Variants in PTPRK observed in about 807,000 individuals in gnomAD.
PTPRK encodes the protein protein tyrosine phosphatase receptor type K, also known as receptor-type tyrosine-protein phosphatase kappa.
In PTPRK, 75 loss-of-function variants were observed where a neutral mutation model predicts 178.0. That is an observed-to-expected ratio of 0.42 (90% CI 0.35 to 0.51). The LOEUF is 0.51. Among genes scored for constraint, PTPRK ranks in the 20% least tolerant of loss-of-function variants. The pLI, the probability that PTPRK is intolerant of heterozygous loss-of-function variation, is 0.02. For synonymous variants in PTPRK, 637 were observed against 620.6 expected (o/e 1.03, Z -0.39); for missense variants, 1,441 against 1,797.8 (o/e 0.80, Z 3.59).
chr6:128,263,314 T>G (rs922831029), intron 3 of PTPRK, among the ~76,000 whole-genome samples: 1 of 152,164 alleles, frequency 6.6e-6, no homozygotes, highest in African/African-American at 2.4e-5. Flanking sequence ...CCTGTAGCAG[T>G]AGAACCAGAA....
intron 7 of PTPRK, among the ~76,000 whole-genome samples, chr6:128,121,625 A>G (rs560824724): frequency 2.6e-5 from 4 of 152,074 alleles, no homozygotes; most frequent in Non-Finnish European, 5.9e-5. Flanking sequence ...ACTATTTTGC[A>G]TATGAAACTA....
At chr6:128,238,185 C>CAAAAAAAAAAAA (rs58051125) in intron 5 of PTPRK, 68 of 206,436 alleles carry the variant, frequency 3.3e-4, no homozygotes, top group East Asian at 8.2e-4. Flanking sequence ...TAGCAAACGC[C>CAAAAAAAAAAAA]AAAAAAAAAA....
intron 5 of PTPRK, among the ~76,000 whole-genome samples, chr6:128,230,470 T>C (rs959050603): frequency 1.3e-5 from 2 of 152,182 alleles, no homozygotes; most frequent in Admixed American, 1.3e-4. Context: ...ACAGAGCACA[T>C]GGACGGCACC....
chr6:128,502,409 A>C (rs1855693646), intron 1 of PTPRK, among the ~76,000 whole-genome samples: 1 of 152,194 alleles, frequency 6.6e-6, no homozygotes. Context: ...AACGAACCTA[A>C]AGTTTCTTGA....
chr6:128,255,802 T>C (rs887093153), intron 3 of PTPRK, among the ~76,000 whole-genome samples: 13 of 152,224 alleles, frequency 8.5e-5, no homozygotes, highest in African/African-American at 3.1e-4. Context: ...GTGATACTGA[T>C]GCAGGCTAAA....
intron 13 of PTPRK, among the ~76,000 whole-genome samples, chr6:128,018,729 A>G (rs1172767105): frequency 6.6e-6 from 1 of 152,106 alleles, no homozygotes; most frequent in African/African-American, 2.4e-5. Flanking sequence ...GTATAAACAG[A>G]TTCGAATAAA....
chr6:128,174,238 G>A (rs1287536679), intron 7 of PTPRK, among the ~76,000 whole-genome samples: 1 of 151,994 alleles, frequency 6.6e-6, no homozygotes, highest in Non-Finnish European at 1.5e-5. Flanking sequence ...CACTCTGCAG[G>A]AGTCATCTCC....
chr6:128,120,083 A>C (rs1051474163), intron 7 of PTPRK, among the ~76,000 whole-genome samples: 15 of 151,998 alleles, frequency 9.9e-5, no homozygotes, highest in African/African-American at 3.1e-4. Flanking sequence ...TTGTTAACTA[A>C]TTTCCCTGTA....
intron 1 of PTPRK, among the ~76,000 whole-genome samples, chr6:128,416,280 T>C (rs1379248494): frequency 6.6e-6 from 1 of 151,952 alleles, no homozygotes; most frequent in African/African-American, 2.4e-5. Context: ...GCAGCATGAT[T>C]AACGATTAAT....
rs1428187772 is a variant in PTPRK, at chr6:128,232,926, G to A, written c.693+7109C>T. On this transcript the variant is annotated intron_variant, in intron 5 of 29. Coordinates refer to ENST00000368226, the MANE Select transcript of PTPRK (RefSeq NM_002844.4). ...TTTTTCTTTATGCATGTTACCTAGCGTGAGCTGATCACATATTATGTATTT... is the reference window on the plus strand; with the variant it reads ...TTTTTCTTTATGCATGTTACCTAGCATGAGCTGATCACATATTATGTATTT... Among the ~76,000 whole-genome samples, 8 of 152,130 alleles carry A rather than the reference G, an allele frequency of 5.3e-5. No individual in the cohort carries two copies. In the South Asian group the frequency reaches 6.2e-4, roughly 12 times the overall value.
At chr6:127,978,588 TA>T (rs1774882967) in intron 25 of PTPRK, among the ~76,000 whole-genome samples, 2 of 152,192 alleles carry the variant, frequency 1.3e-5, no homozygotes, top group Admixed American at 6.5e-5. Context: ...GAGAATGAAC[TA>T]ATACAATGAG....
At chr6:128,467,805 A>T (rs1041105562) in intron 1 of PTPRK, among the ~76,000 whole-genome samples, 3 of 148,436 alleles carry the variant, frequency 2.0e-5, no homozygotes, top group African/African-American at 7.4e-5. Flanking sequence ...TTGGCCATTA[A>T]ATGTTGGAAT....
At chr6:128,224,401 G>A (rs936036646) in intron 5 of PTPRK, among the ~76,000 whole-genome samples, 4 of 152,228 alleles carry the variant, frequency 2.6e-5, no homozygotes, top group African/African-American at 9.6e-5. Flanking sequence ...GTATTCATTT[G>A]ACAAGTTTCA....
chr6:128,077,860 A>G (rs939749548), intron 11 of PTPRK, among the ~76,000 whole-genome samples: 1 of 151,996 alleles, frequency 6.6e-6, no homozygotes, highest in Non-Finnish European at 1.5e-5. Context: ...GTTAGATAAT[A>G]TGAGACTTTA....
At chr6:128,402,930 G>T (rs924294854) in intron 1 of PTPRK, among the ~76,000 whole-genome samples, 2 of 152,240 alleles carry the variant, frequency 1.3e-5, no homozygotes, top group East Asian at 3.9e-4. Flanking sequence ...GATCCTGAAA[G>T]TATCCTTTGC....
intron 1 of PTPRK, among the ~76,000 whole-genome samples, chr6:128,487,261 A>G (rs1853076388): frequency 6.7e-6 from 1 of 149,618 alleles, no homozygotes; most frequent in Non-Finnish European, 1.5e-5. Context: ...TCCTGGATAA[A>G]AGAAGGCAGG....
intron 2 of PTPRK, among the ~76,000 whole-genome samples, chr6:128,342,766 G>T (rs1209598725): frequency 6.6e-6 from 1 of 152,004 alleles, no homozygotes; most frequent in Non-Finnish European, 1.5e-5. Flanking sequence ...AAATTCAAAA[G>T]AAATATCTAC....
At chr6:128,078,991 A>T (rs1180406125) in intron 10 of PTPRK, 73 bp from the exon 11 acceptor site, 3 of 991,402 alleles carry the variant, frequency 3.0e-6, no homozygotes, top group Non-Finnish European at 4.6e-6. Flanking sequence ...GAATGAACAG[A>T]CAATCTTAAG....
At position 128,520,549 on chromosome 6, in the gene PTPRK, G is replaced by C. The variant is rs1858905958; in HGVS notation, c.-191C>G. ...GGCGAAAGCGTCGCCAGCGTCGCCG[G>C]CCGGCCGCGGCGGCAGCTCTCCATG... On this transcript the variant is annotated 5_prime_UTR_variant, in exon 1 of 30. Coordinates refer to ENST00000368226, the MANE Select transcript of PTPRK (RefSeq NM_002844.4). 3 of 577,914 alleles carry C rather than the reference G, an allele frequency of 5.2e-6. No homozygotes were observed. Among genetic ancestry groups the C allele is most frequent in the Non-Finnish European group, 9.4e-6 (3 of 320,592 alleles). 35.8% of individuals were successfully genotyped at this position (577,914 alleles called of 1,614,324 possible). A position where few individuals can be genotyped will look rare whatever the true frequency, so the allele number is the denominator to read the frequency against.
Sources: gnomAD v4.1 joint callset for allele counts (sites outside exome capture counted in the v4.1 genomes callset) on GRCh38, gnomAD v4.1.1 for gene constraint, MANE v1.5 for transcripts, NCBI Gene and HGNC (gene_info 2026-07-23, HGNC 2026-07-21) for gene names.